Variants in MRPS6 observed in about 807,000 individuals in gnomAD.
The protein encoded by MRPS6 is small ribosomal subunit protein bS6m.
Under a neutral mutation model 13.1 loss-of-function variants are expected in MRPS6, and 6 were observed. The ratio of observed to expected loss-of-function variants is 0.46; its 90% confidence interval spans 0.25 to 0.91. The LOEUF (loss-of-function observed/expected upper bound fraction) is 0.91, where lower values mean the gene tolerates loss of function less well. Ranked by LOEUF, MRPS6 falls within the 40% of genes least tolerant of loss-of-function variation. MRPS6 has a pLI of 0.18. For missense variants in MRPS6, 164 were observed against 155.6 expected, an observed-to-expected ratio of 1.05 and a Z score of -0.29; for synonymous variants, 61 against 56.5, an observed-to-expected ratio of 1.08 and a Z score of -0.36.
At chr21:34,075,540 G>C (rs139406961) in intron 1 of MRPS6, among the ~76,000 whole-genome samples, 2,714 of 151,870 alleles carry the variant, frequency 0.018, 31 homozygotes, top group Middle Eastern at 0.037. Context: ...TGAGGGAAGG[G>C]GGGCAAAAAA....
intron 2 of MRPS6, among the ~76,000 whole-genome samples, chr21:34,135,263 C>A (rs1349839059): frequency 6.6e-6 from 1 of 150,910 alleles, no homozygotes; most frequent in Non-Finnish European, 1.5e-5. Flanking sequence ...GGGTAAATAC[C>A]TAGCAGTGGA....
intron 1 of MRPS6, chr21:34,105,165 T>TA (rs1473608645): frequency 1.0e-6 from 1 of 1,000,280 alleles, no homozygotes; most frequent in Non-Finnish European, 1.2e-6. Flanking sequence ...CCCCCACTGT[T>TA]ACTGCTTCAG....
At chr21:34,105,569 T>C in intron 1 of MRPS6, 1 of 1,000,030 alleles carries the variant, frequency 1.0e-6, no homozygotes, top group South Asian at 4.7e-5. Flanking sequence ...TTTGTTCAGA[T>C]TTTTTGTAAG....
rs143365196 is a variant in MRPS6 at position 34,096,394 on chromosome 21, G to A, written c.45+22649G>A. 15 of 1,614,036 alleles carry A rather than the reference G, an allele frequency of 9.3e-6. No individual in the cohort carries two copies. Among genetic ancestry groups the A allele is most frequent in the East Asian group, 6.7e-5 (3 of 44,886 alleles). On this transcript the variant is annotated intron_variant, in intron 1 of 2. Transcript: ENST00000399312. This position sits in a 1 kb window ranked among gnomAD's most constrained non-coding sequence, Gnocchi z 5.9. ...ACCCTCGATGTGTACAAACTTATCC[G>A]CAAGAGCGCAAGCTCCCGGGAGTTA...
At position 34,142,563 on chromosome 21, in the gene MRPS6, CA is replaced by C. The variant is rs776565840; in HGVS notation, c.342del (p.Glu115LysfsTer43). ...ECEGIVPVPL[A>X]EKLYSTKKRK... is the part of the protein sequence containing the mutation. ...GAAGGGATTGTCCCAGTCCCACTCG[CA>C]GAAAAATTATATTCCACAAAGAAGA... On this transcript the variant is annotated frameshift_variant, in exon 3 of 3. Transcript: ENST00000399312. LOFTEE classifies it high-confidence loss of function. 17 of 1,605,624 alleles carry C rather than the reference CA, an allele frequency of 1.1e-5. No homozygotes were observed. The highest frequency in any genetic ancestry group is 3.4e-4 in the Middle Eastern group (2 of 5,832).
chr21:34,083,784 G>T (rs144878321), intron 1 of MRPS6, among the ~76,000 whole-genome samples: 129 of 152,298 alleles, frequency 8.5e-4, no homozygotes, highest in African/African-American at 2.9e-3. Context: ...AGGGCCAGGA[G>T]ATTTTGCAAA....
intron 2 of MRPS6, among the ~76,000 whole-genome samples, chr21:34,141,589 A>C (rs949428342): frequency 1.3e-5 from 2 of 152,330 alleles, no homozygotes; most frequent in Middle Eastern, 3.4e-3. Flanking sequence ...CATAGTTTTA[A>C]CCAGCTAGAA....
intron 1 of MRPS6, among the ~76,000 whole-genome samples, chr21:34,077,519 A>G (rs1488337584): frequency 2.0e-5 from 3 of 152,240 alleles, no homozygotes; most frequent in Non-Finnish European, 2.9e-5. Context: ...TAATGGCTTA[A>G]TAACTAATTC....
chr21:34,137,981 T>C (rs1390893442), intron 2 of MRPS6, among the ~76,000 whole-genome samples: 1 of 152,210 alleles, frequency 6.6e-6, no homozygotes, highest in Non-Finnish European at 1.5e-5. Flanking sequence ...TTTTTTAATA[T>C]ATGATAGTAG....
chr21:34,077,280 CTT>C (rs1989355454), intron 1 of MRPS6, among the ~76,000 whole-genome samples: 1 of 152,168 alleles, frequency 6.6e-6, no homozygotes, highest in African/African-American at 2.4e-5. Context: ...AAAAATGAAA[CTT>C]TGTAGACACT....
intron 1 of MRPS6, among the ~76,000 whole-genome samples, chr21:34,080,699 TA>T (rs1989439613): frequency 6.6e-6 from 1 of 152,238 alleles, no homozygotes; most frequent in African/African-American, 2.4e-5. Context: ...GAATATGTTT[TA>T]CCTCCTTTGC....
At chr21:34,077,699 AT>A (rs1217718268) in intron 1 of MRPS6, among the ~76,000 whole-genome samples, 3 of 152,248 alleles carry the variant, frequency 2.0e-5, no homozygotes, top group African/African-American at 4.8e-5. Context: ...TATATTTTAC[AT>A]TTAGATAACT....
Position 34,081,481 on chromosome 21 carries a change from A to G in MRPS6, c.45+7736A>G, listed in dbSNP as rs1989457760. 3.9e-5 allele frequency among the ~76,000 whole-genome samples: 6 copies of G among 152,318 alleles called. No homozygotes were observed. The South Asian group carries it at 1.2e-3, about 32-fold the overall frequency. ...GCTGATTTTTTTGTTTTCTATTATA[A>G]ATGAGTAGAAAAACCTTGTAAGATC... is the stretch of plus-strand genomic sequence containing the variant. On this transcript the variant is annotated intron_variant, in intron 1 of 2. Transcript: ENST00000399312.
chr21:34,082,535 T>G (rs1989482682), intron 1 of MRPS6, among the ~76,000 whole-genome samples: 1 of 152,206 alleles, frequency 6.6e-6, no homozygotes, highest in Non-Finnish European at 1.5e-5. Flanking sequence ...AGAAAATATT[T>G]TTTTTTGCTC....
chr21:34,105,222 G>A (rs952409275), intron 1 of MRPS6: 78 of 1,000,080 alleles, frequency 7.8e-5, no homozygotes, highest in Non-Finnish European at 8.7e-5. Context: ...GGATTTACCC[G>A]TTCTTTGCTT....
intron 2 of MRPS6, among the ~76,000 whole-genome samples, chr21:34,134,502 A>T (rs1980618070): frequency 6.6e-6 from 1 of 152,228 alleles, no homozygotes; most frequent in Non-Finnish European, 1.5e-5. Flanking sequence ...TCAGCTTTAT[A>T]GCGATGATTA....
chr21:34,106,024 T>G, intron 1 of MRPS6: 1 of 995,762 alleles, frequency 1.0e-6, no homozygotes, highest in Non-Finnish European at 1.2e-6. Flanking sequence ...GCATATCTGC[T>G]AAAGAGCTGT....
intron 1 of MRPS6, 24 bp downstream of exon 1, chr21:34,073,769 G>A: frequency 3.4e-6 from 5 of 1,476,536 alleles, no homozygotes; most frequent in Non-Finnish European, 3.6e-6. Context: ...CCTCAGAGCC[G>A]GTCTTCCCGC....
chr21:34,121,428 A>G (rs563703875), intron 1 of MRPS6, among the ~76,000 whole-genome samples: 1 of 152,326 alleles, frequency 6.6e-6, no homozygotes, highest in South Asian at 2.1e-4. Context: ...TCATTAGTGA[A>G]TGAGCTAGGA....
Sources: allele counts gnomAD v4.1 joint callset (sites outside exome capture counted in the v4.1 genomes callset), GRCh38; gene constraint gnomAD v4.1.1; non-coding constraint Gnocchi (gnomAD v3.1); transcripts MANE v1.5; gene names NCBI Gene and HGNC (gene_info 2026-07-23, HGNC 2026-07-21).